Variants in KCNH7 observed in about 807,000 individuals in gnomAD.
KCNH7 encodes potassium voltage-gated channel subfamily H member 7, also known as voltage-gated inwardly rectifying potassium channel KCNH7.
KCNH7 carries 49 observed loss-of-function variants against 120.8 expected under a neutral mutation model. That is an observed-to-expected ratio of 0.41 (90% CI 0.32 to 0.51). The LOEUF (loss-of-function observed/expected upper bound fraction) is 0.51, where lower values mean the gene tolerates loss of function less well. Ranked by LOEUF, KCNH7 falls within the 20% of genes least tolerant of loss-of-function variation. KCNH7 has a pLI of 0.38. For synonymous variants in KCNH7, 547 were observed against 516.1 expected (o/e 1.06, Z -0.81); for missense variants, 1,097 against 1,446.6 (o/e 0.76, Z 3.92).
intron 13 of KCNH7, among the ~76,000 whole-genome samples, chr2:162,381,638 A>G (rs1686422697): frequency 6.6e-6 from 1 of 152,168 alleles, no homozygotes; most frequent in Admixed American, 6.5e-5. Flanking sequence ...TCTTCTGCAG[A>G]AATGGCTAAC....
At position 162,549,355 on chromosome 2, in the gene KCNH7, G is replaced by A. The variant is rs76321286; in HGVS notation, c.308-12275C>T. 5.1e-3 allele frequency among the ~76,000 whole-genome samples: 783 copies of A among 152,338 alleles called. 27 individuals carry two copies. In the East Asian group the frequency reaches 0.095, roughly 18 times the overall value. ...AATTCCATCAGCTGAAGGTTAAGCC[G>A]TTAGCTTCTCTAAACAGGAACTTTC... On this transcript the variant is annotated intron_variant, in intron 2 of 15. Transcript: ENST00000332142.
At chr2:162,569,740 C>T (rs4664483) in intron 2 of KCNH7, among the ~76,000 whole-genome samples, 84,870 of 151,372 alleles carry the variant, frequency 0.56, 24,323 homozygotes, top group Admixed American at 0.67. Context: ...TCTTTGCTCT[C>T]GTTGGTTTCA....
chr2:162,668,751 C>T (rs1685236498), intron 2 of KCNH7, among the ~76,000 whole-genome samples: 1 of 152,048 alleles, frequency 6.6e-6, no homozygotes, highest in Non-Finnish European at 1.5e-5. Flanking sequence ...GGAATCTTTA[C>T]AATTTCAAAT....
chr2:162,391,532 A>G (rs1168518118), intron 12 of KCNH7, among the ~76,000 whole-genome samples: 1 of 152,082 alleles, frequency 6.6e-6, no homozygotes, highest in Non-Finnish European at 1.5e-5. Context: ...AGGAAACTTC[A>G]AAGAGCTGCA....
intron 2 of KCNH7, among the ~76,000 whole-genome samples, chr2:162,803,860 A>T (rs1312760976): frequency 2.0e-5 from 3 of 151,886 alleles, no homozygotes; most frequent in African/African-American, 4.8e-5. Context: ...TCTGTGGACA[A>T]TGACACATTC....
intron 2 of KCNH7, among the ~76,000 whole-genome samples, chr2:162,735,442 G>A (rs535889967): frequency 3.3e-5 from 5 of 152,256 alleles, no homozygotes; most frequent in Non-Finnish European, 5.9e-5. Flanking sequence ...TATGGCACCA[G>A]AGTCACATAA....
intron 3 of KCNH7, among the ~76,000 whole-genome samples, chr2:162,531,512 T>C (rs1186657480): frequency 6.6e-6 from 1 of 151,906 alleles, no homozygotes; most frequent in Admixed American, 6.6e-5. Context: ...CAAATAGAGG[T>C]TGACATTAGA....
chr2:162,656,781 A>G (rs529031475), intron 2 of KCNH7, among the ~76,000 whole-genome samples: 27 of 152,330 alleles, frequency 1.8e-4, no homozygotes, highest in Admixed American at 1.6e-3. Flanking sequence ...AAAGGAGAGT[A>G]GAAAAATACA....
At chr2:162,711,487 G>T (rs986874371) in intron 2 of KCNH7, among the ~76,000 whole-genome samples, 1 of 152,190 alleles carries the variant, frequency 6.6e-6, no homozygotes, top group Non-Finnish European at 1.5e-5. Flanking sequence ...AACAAAAATC[G>T]CAAGTAGTAC....
chr2:162,814,294 A>G (rs1684838089), intron 2 of KCNH7, among the ~76,000 whole-genome samples: 1 of 152,188 alleles, frequency 6.6e-6, no homozygotes, highest in African/African-American at 2.4e-5. Flanking sequence ...CTAATTCCTT[A>G]TCATCTTAAA....
chr2:162,452,882 C>T (rs771437783), intron 6 of KCNH7, among the ~76,000 whole-genome samples: 12 of 151,858 alleles, frequency 7.9e-5, no homozygotes, highest in Non-Finnish European at 1.6e-4. Flanking sequence ...TTTTAATATT[C>T]GTTTCTAGGA....
At chr2:162,661,803 A>T (rs1033766468) in intron 2 of KCNH7, among the ~76,000 whole-genome samples, 6 of 152,228 alleles carry the variant, frequency 3.9e-5, no homozygotes, top group African/African-American at 7.2e-5. Context: ...AATGACACTG[A>T]CAGATGTTTC....
intron 2 of KCNH7, among the ~76,000 whole-genome samples, chr2:162,753,334 G>C (rs993876041): frequency 5.9e-5 from 9 of 151,994 alleles, no homozygotes; most frequent in African/African-American, 2.2e-4. Context: ...TACAGAAATG[G>C]ACACATACAC....
At chr2:162,786,964 T>C (rs79159310) in intron 2 of KCNH7, among the ~76,000 whole-genome samples, 1,782 of 152,312 alleles carry the variant, frequency 0.012, 39 homozygotes, top group African/African-American at 0.04. Flanking sequence ...CAGTTTTATA[T>C]TACCTGCATC....
At chr2:162,708,436 C>T (rs1277500318) in intron 2 of KCNH7, among the ~76,000 whole-genome samples, 1 of 151,970 alleles carries the variant, frequency 6.6e-6, no homozygotes, top group Non-Finnish European at 1.5e-5. Flanking sequence ...TATTGAGGGA[C>T]ACAGGCCTAG....
At chr2:162,566,171 T>A (rs997282614) in intron 2 of KCNH7, among the ~76,000 whole-genome samples, 8 of 151,950 alleles carry the variant, frequency 5.3e-5, no homozygotes, top group South Asian at 4.2e-4. Flanking sequence ...TTCCTCCTCC[T>A]CAAAAAAAAG....
intron 2 of KCNH7, among the ~76,000 whole-genome samples, chr2:162,739,365 T>A (rs1688034897): frequency 6.6e-6 from 1 of 152,176 alleles, no homozygotes; most frequent in Non-Finnish European, 1.5e-5. Flanking sequence ...CTGATTGTTG[T>A]CGCCATGGAT....
Position 162,599,234 on chromosome 2 carries a change from AAAAAAG to A in KCNH7, c.308-62160_308-62155del, listed in dbSNP as rs374895368. Among the ~76,000 whole-genome samples, 1,082 of 151,938 alleles carry A rather than the reference AAAAAAG, an allele frequency of 7.1e-3. 14 individuals are homozygous for A. The highest frequency in any genetic ancestry group is 0.025 in the African/African-American group (1,030 of 41,500). On this transcript the variant is annotated intron_variant, in intron 2 of 15. Transcript: ENST00000332142. ...AATAAATAAATAAATAATAAAAAGAAAAAAAGAAAAAGAAAAAGAAAGCTCATGTAA... is the reference window on the plus strand; with the variant it reads ...AATAAATAAATAAATAATAAAAAGAAAAAAAGAAAAAGAAAGCTCATGTAA...
intron 6 of KCNH7, among the ~76,000 whole-genome samples, chr2:162,475,732 AG>A (rs1204104127): frequency 6.6e-6 from 1 of 152,118 alleles, no homozygotes; most frequent in Non-Finnish European, 1.5e-5. Flanking sequence ...GAGTCCTTGA[AG>A]GCCCCCACCC....
Sources: gnomAD v4.1 joint callset for allele counts (sites outside exome capture counted in the v4.1 genomes callset) on GRCh38, gnomAD v4.1.1 for gene constraint, MANE v1.5 for transcripts, NCBI Gene and HGNC (gene_info 2026-07-23, HGNC 2026-07-21) for gene names.